The following CCL28 variants were observed in gnomAD, a reference collection of about 807,000 sequenced individuals.
CCL28 encodes C-C motif chemokine 28.
CCL28 carries 4 observed loss-of-function variants against 7.1 expected under a neutral mutation model. The ratio of observed to expected loss-of-function variants is 0.56; its 90% confidence interval spans 0.28 to 1.29. CCL28 has a LOEUF of 1.29. CCL28 is among the 50% of genes most tolerant of loss of function. The probability of loss-of-function intolerance (pLI) is 0.11; values close to 1 mark genes in which losing one functional copy is unlikely to be tolerated. For synonymous variants in CCL28, 55 were observed against 57.8 expected (o/e 0.95, Z 0.22); for missense variants, 151 against 163.4 (o/e 0.92, Z 0.41).
chr5:43,366,755 T>G, the CCL28 span, among the ~76,000 whole-genome samples: 1 of 152,198 alleles, frequency 6.6e-6, no homozygotes, highest in Non-Finnish European at 1.5e-5. Flanking sequence ...CAGCAGCCCC[T>G]TCCCCCAGGT....
intron 1 of CCL28, 147 bp downstream of exon 1, chr5:43,412,106 G>A: frequency 1.9e-6 from 1 of 533,156 alleles, no homozygotes; most frequent in Non-Finnish European, 3.1e-6. Flanking sequence ...TTAAAGCTAT[G>A]TCATTCTCTT....
the CCL28 span, among the ~76,000 whole-genome samples, chr5:43,360,484 A>G: frequency 1.3e-5 from 2 of 152,120 alleles, no homozygotes; most frequent in Non-Finnish European, 2.9e-5. Context: ...ATGTGTTTAC[A>G]GCATTTAGCT....
chr5:43,358,728 G>A, the CCL28 span, among the ~76,000 whole-genome samples: 3 of 152,118 alleles, frequency 2.0e-5, no homozygotes, highest in South Asian at 4.1e-4. Flanking sequence ...AATCTTTTAA[G>A]CAAATTTAAA....
At chr5:43,370,928 G>T in the CCL28 span, among the ~76,000 whole-genome samples, 1 of 152,054 alleles carries the variant, frequency 6.6e-6, no homozygotes, top group South Asian at 2.1e-4. Flanking sequence ...TTTTAGTAGA[G>T]ATGGGGTTTC....
intron 2 of CCL28, among the ~76,000 whole-genome samples, chr5:43,384,439 T>C (rs1309988439): frequency 1.4e-4 from 21 of 152,220 alleles, no homozygotes; most frequent in Admixed American, 1.4e-3. Flanking sequence ...TTTAAAAACT[T>C]CTTAAATCTC....
chr5:43,400,623 T>C (rs748159126), intron 1 of CCL28, among the ~76,000 whole-genome samples: 3 of 152,150 alleles, frequency 2.0e-5, no homozygotes, highest in Non-Finnish European at 4.4e-5. Flanking sequence ...GGGAGCTGAT[T>C]AGAAATGCAA....
chr5:43,364,086 T>C, the CCL28 span, among the ~76,000 whole-genome samples: 3 of 152,260 alleles, frequency 2.0e-5, no homozygotes, highest in Non-Finnish European at 4.4e-5. Context: ...CTTATTTATA[T>C]ATCTTCTTTT....
chr5:43,396,156 C>A (rs1740792492), intron 1 of CCL28, among the ~76,000 whole-genome samples: 1 of 152,088 alleles, frequency 6.6e-6, no homozygotes, highest in African/African-American at 2.4e-5. Context: ...AGGCGTGAAC[C>A]ACTGCGTCCA....
chr5:43,392,372 C>T (rs1425592580), intron 1 of CCL28, among the ~76,000 whole-genome samples: 2 of 152,160 alleles, frequency 1.3e-5, no homozygotes, highest in African/African-American at 2.4e-5. Flanking sequence ...CTGCCTCGCC[C>T]TTCCAAAGTG....
At chr5:43,407,013 C>A (rs1450226222) in intron 1 of CCL28, among the ~76,000 whole-genome samples, 2 of 152,192 alleles carry the variant, frequency 1.3e-5, no homozygotes, top group East Asian at 3.9e-4. Flanking sequence ...AATGGAAGAA[C>A]ATTCCATGCT....
chr5:43,389,186 T>C (rs1023755666), intron 1 of CCL28, among the ~76,000 whole-genome samples: 1 of 152,180 alleles, frequency 6.6e-6, no homozygotes, highest in African/African-American at 2.4e-5. Context: ...AGATCTCTTT[T>C]TGGAGTGATG....
chr5:43,407,183 A>G (rs1022877975), intron 1 of CCL28, among the ~76,000 whole-genome samples: 3 of 152,222 alleles, frequency 2.0e-5, no homozygotes, highest in Admixed American at 1.3e-4. Context: ...CACGTTGCCA[A>G]GACAATCCTA....
chr5:43,407,556 G>A (rs1431506939), intron 1 of CCL28, among the ~76,000 whole-genome samples: 1 of 152,238 alleles, frequency 6.6e-6, no homozygotes, highest in East Asian at 1.9e-4. Context: ...GAAAGCCTAT[G>A]CAATACCATA....
At chr5:43,366,455 G>A in the CCL28 span, among the ~76,000 whole-genome samples, 1 of 152,160 alleles carries the variant, frequency 6.6e-6, no homozygotes, top group Middle Eastern at 3.2e-3. Flanking sequence ...TTTGCCGGAG[G>A]TCCACTTCAG....
At chr5:43,358,787 A>T in the CCL28 span, among the ~76,000 whole-genome samples, 1 of 152,242 alleles carries the variant, frequency 6.6e-6, no homozygotes, top group Non-Finnish European at 1.5e-5. Context: ...CAAGGATTTT[A>T]ATCAAGGTCT....
At chr5:43,390,291 T>C (rs930556347) in intron 1 of CCL28, among the ~76,000 whole-genome samples, 3 of 152,178 alleles carry the variant, frequency 2.0e-5, no homozygotes, top group African/African-American at 7.2e-5. Flanking sequence ...AACACAAACC[T>C]GTATGATGGA....
chr5:43,374,230 G>A (rs1259873488), downstream of CCL28, among the ~76,000 whole-genome samples: 1 of 152,214 alleles, frequency 6.6e-6, no homozygotes, highest in Non-Finnish European at 1.5e-5. Context: ...ATGCTGTACT[G>A]TTTTGATAAG....
chr5:43,399,192 T>G (rs1164392939), intron 1 of CCL28, among the ~76,000 whole-genome samples: 1 of 152,222 alleles, frequency 6.6e-6, no homozygotes, highest in African/African-American at 2.4e-5. Context: ...GTTATCCAAG[T>G]GTAATTCCAT....
At chr5:43,373,217 T>C (rs1561149447), downstream of CCL28, among the ~76,000 whole-genome samples, 1 of 152,268 alleles carries the variant, frequency 6.6e-6, no homozygotes, top group East Asian at 1.9e-4. Context: ...GTGAAGACAG[T>C]TCTCCAAAAT....
Sources: gnomAD v4.1 joint callset for allele counts (sites outside exome capture counted in the v4.1 genomes callset) on GRCh38, gnomAD v4.1.1 for gene constraint, MANE v1.5 for transcripts, NCBI Gene and HGNC (gene_info 2026-07-23, HGNC 2026-07-21) for gene names.